Variants in FRK observed in about 807,000 individuals in gnomAD.
FRK encodes the protein tyrosine-protein kinase FRK.
In FRK, 51 loss-of-function variants were observed where a neutral mutation model predicts 56.4. The ratio of observed to expected loss-of-function variants is 0.90; its 90% CI spans 0.72 to 1.14. The LOEUF (loss-of-function observed/expected upper bound fraction) is 1.14, where lower values mean the gene tolerates loss of function less well. Among genes scored for constraint, FRK ranks in the 50% most tolerant of loss-of-function variants. FRK has a pLI of 0.00. For missense variants in FRK, 570 were observed against 601.4 expected, an observed-to-expected ratio of 0.95 and a Z score of 0.55; for synonymous variants, 245 against 217.9, an observed-to-expected ratio of 1.12 and a Z score of -1.10.
At position 115,931,220 on chromosome 6, in the gene FRK, AG is replaced by A. The variant is rs1320962932; in HGVS notation, c.*11193del. 6.6e-6 allele frequency: 1 copy of A among 152,256 alleles called. No homozygotes were observed. The highest frequency in any genetic ancestry group is 1.5e-5 in the Non-Finnish European group (1 of 68,038). 9.4% of individuals were successfully genotyped at this position (152,256 alleles called of 1,614,324 possible). On this transcript the variant is annotated 3_prime_UTR_variant, in exon 8 of 8. Transcript: ENST00000606080. The stretch of plus-strand genomic sequence containing the variant: ...ACTTCTGAAACAGTTGACTTTTAAA[AG>A]TCAGGGTAAAAATAATCACTTTGAT...
intron 1 of FRK, among the ~76,000 whole-genome samples, chr6:116,031,066 T>C (rs1361609453): frequency 6.6e-6 from 1 of 152,106 alleles, no homozygotes; most frequent in African/African-American, 2.4e-5. Context: ...TGGAAAAATC[T>C]TTATATGGGA....
intron 4 of FRK, among the ~76,000 whole-genome samples, chr6:115,960,353 G>A (rs1379306516): frequency 2.0e-5 from 3 of 151,512 alleles, no homozygotes; most frequent in Non-Finnish European, 4.4e-5. Context: ...AAAAAACGGC[G>A]CACCACTAGA....
At chr6:116,040,149 G>A (rs1776659988) in intron 1 of FRK, among the ~76,000 whole-genome samples, 1 of 152,010 alleles carries the variant, frequency 6.6e-6, no homozygotes, top group African/African-American at 2.4e-5. Context: ...CTGTTTTAAT[G>A]TCTTTCTTAT....
At chr6:115,943,315 C>A in intron 6 of FRK, 130 bp from the exon 7 acceptor site, 3 of 603,728 alleles carry the variant, frequency 5.0e-6, no homozygotes, top group East Asian at 3.1e-5. Flanking sequence ...GTTCAACTGA[C>A]AATTACAGTA....
chr6:116,024,312 T>C (rs1038756998), intron 1 of FRK, among the ~76,000 whole-genome samples: 1 of 152,026 alleles, frequency 6.6e-6, no homozygotes, highest in African/African-American at 2.4e-5. Flanking sequence ...ATGTGCACAA[T>C]GTGCAGGTTA....
chr6:115,993,095 A>G (rs1337230791), intron 2 of FRK, among the ~76,000 whole-genome samples: 1 of 151,826 alleles, frequency 6.6e-6, no homozygotes, highest in Non-Finnish European at 1.5e-5. Context: ...ATAAATACTA[A>G]TGCTAAAATT....
At chr6:115,949,540 G>A (rs1772625629) in intron 5 of FRK, among the ~76,000 whole-genome samples, 2 of 152,082 alleles carry the variant, frequency 1.3e-5, no homozygotes, top group East Asian at 1.9e-4. Context: ...AGAGGACACA[G>A]ACAAATGGAA....
chr6:115,960,229 C>T lies in FRK; in HGVS notation c.800-3619G>A, dbSNP rs1181275979. ...GAAGCAGGGCGAGGCATTGCCTCACCTGGGAAGCGCAAGGGGTCAGGGAGT... is the reference window on the plus strand; with the variant it reads ...GAAGCAGGGCGAGGCATTGCCTCACTTGGGAAGCGCAAGGGGTCAGGGAGT... On this transcript the variant is annotated intron_variant, in intron 4 of 7. Transcript: ENST00000606080. Among the ~76,000 whole-genome samples the T allele has an allele frequency of 2.4e-3, 362 of 151,134 alleles. 5 individuals are homozygous for T. The highest frequency in any genetic ancestry group is 6.1e-4 in the Non-Finnish European group (41 of 67,752).
chr6:116,087,798 C>T, the FRK span, among the ~76,000 whole-genome samples: 26 of 152,338 alleles, frequency 1.7e-4, no homozygotes, highest in African/African-American at 6.0e-4. Flanking sequence ...TACTCTGTTT[C>T]ACATCCCCTT....
At chr6:116,073,529 C>T in the FRK span, among the ~76,000 whole-genome samples, 1 of 151,978 alleles carries the variant, frequency 6.6e-6, no homozygotes, top group Admixed American at 6.6e-5. Flanking sequence ...TATGTAACAA[C>T]AATAATAAAA....
chr6:115,966,080 C>A (rs1412889141), intron 4 of FRK, among the ~76,000 whole-genome samples: 1 of 131,044 alleles, frequency 7.6e-6, no homozygotes, highest in Non-Finnish European at 1.7e-5. Flanking sequence ...AAAAGAAATA[C>A]TTAAAAAAAA....
chr6:116,000,408 A>C (rs1174190218), intron 2 of FRK, among the ~76,000 whole-genome samples: 1 of 151,288 alleles, frequency 6.6e-6, no homozygotes, highest in East Asian at 1.9e-4. Context: ...ATGCCCCATT[A>C]ATTTTTATAT....
At chr6:115,944,182 G>C (rs920284272) in intron 6 of FRK, 62 bp downstream of exon 6, 2 of 1,299,324 alleles carry the variant, frequency 1.5e-6, no homozygotes, top group Non-Finnish European at 2.2e-6. Flanking sequence ...ATATCTATTG[G>C]TCTACTAACT....
intron 1 of FRK, among the ~76,000 whole-genome samples, chr6:116,049,560 T>C (rs969016500): frequency 1.3e-5 from 2 of 152,220 alleles, no homozygotes; most frequent in East Asian, 1.9e-4. Context: ...CTAGCTGTTA[T>C]ATGATAAAAG....
chr6:115,986,453 T>C (rs891917214), intron 2 of FRK, among the ~76,000 whole-genome samples: 2 of 152,126 alleles, frequency 1.3e-5, no homozygotes, highest in Admixed American at 1.3e-4. Flanking sequence ...AAGTGATTAA[T>C]ACAGGACATT....
At chr6:116,001,775 G>C (rs1775072246) in intron 2 of FRK, among the ~76,000 whole-genome samples, 2 of 152,192 alleles carry the variant, frequency 1.3e-5, no homozygotes, top group Non-Finnish European at 2.9e-5. Flanking sequence ...ACAGAAGGCT[G>C]CATCTTCTGG....
chr6:115,952,597 A>G (rs998402161), intron 5 of FRK, among the ~76,000 whole-genome samples: 2 of 151,880 alleles, frequency 1.3e-5, no homozygotes, highest in African/African-American at 4.8e-5. Context: ...ACTATAAATC[A>G]TGCTGCTATA....
rs908531963 is a variant in FRK at position 115,942,310 on chromosome 6, T to G, written c.*104A>C. ...CCAACTTTATCCTATCACTTGAATA[T>G]GTCAGGATAAACTGATTGTGCAGTT... is the stretch of plus-strand genomic sequence containing the variant. On this transcript the variant is annotated 3_prime_UTR_variant, in exon 8 of 8. Coordinates refer to ENST00000606080, the MANE Select transcript of FRK (RefSeq NM_002031.3). The G allele has an allele frequency of 3.1e-5, 29 of 939,782 alleles. No homozygotes were observed. The highest frequency in any genetic ancestry group is 3.3e-4 in the Middle Eastern group (1 of 2,998). The allele number at this position is 939,782 out of a possible 1,614,324, so 58.2% of individuals were successfully genotyped here.
intron 1 of FRK, among the ~76,000 whole-genome samples, chr6:116,028,377 C>T (rs1776176831): frequency 6.6e-6 from 1 of 151,928 alleles, no homozygotes; most frequent in African/African-American, 2.4e-5. Flanking sequence ...GTGTGGACTC[C>T]ATCAAAAGAA....
Sources: allele counts gnomAD v4.1 joint callset (sites outside exome capture counted in the v4.1 genomes callset), GRCh38; gene constraint gnomAD v4.1.1; transcripts MANE v1.5; gene names NCBI Gene and HGNC (gene_info 2026-07-23, HGNC 2026-07-21).